The following PTPRN2 variants were observed in gnomAD, a reference collection of about 807,000 sequenced individuals.
The protein encoded by PTPRN2 is protein tyrosine phosphatase receptor type N2, also known as receptor-type tyrosine-protein phosphatase N2.
In PTPRN2, 74 loss-of-function variants were observed where a neutral mutation model predicts 118.8. The observed-to-expected ratio is 0.62, with a 90% CI of 0.52 to 0.76. PTPRN2 has a LOEUF of 0.76. PTPRN2 is among the 30% of genes least tolerant of loss of function. The pLI, the probability that PTPRN2 is intolerant of heterozygous loss-of-function variation, is 0.00. For missense variants in PTPRN2, 1,481 were observed against 1,394.4 expected, an observed-to-expected ratio of 1.06 and a Z score of -0.99; for synonymous variants, 641 against 608.0, an observed-to-expected ratio of 1.05 and a Z score of -0.80.
chr7:157,888,682 C>T (rs772936764), intron 12 of PTPRN2, among the ~76,000 whole-genome samples: 8 of 152,120 alleles, frequency 5.3e-5, no homozygotes, highest in South Asian at 2.1e-4. Flanking sequence ...AGAATCTTCA[C>T]GGATGTCTGA....
intron 3 of PTPRN2, among the ~76,000 whole-genome samples, chr7:158,304,598 C>T (rs1050519860): frequency 5.9e-5 from 9 of 152,238 alleles, no homozygotes; most frequent in African/African-American, 2.2e-4. Flanking sequence ...AAGATGTACA[C>T]AGGCTTGGTC....
chr7:158,387,893 G>C (rs186730651), intron 2 of PTPRN2, among the ~76,000 whole-genome samples: 1 of 152,122 alleles, frequency 6.6e-6, no homozygotes, highest in African/African-American at 2.4e-5. Flanking sequence ...TGTCAGACCC[G>C]CCAGGCCCCC....
rs1246761648 is a variant in PTPRN2 at position 157,622,741 on chromosome 7, G to C, written c.2197-1232C>G. Among the ~76,000 whole-genome samples, 1 of 152,216 alleles carries C rather than the reference G, an allele frequency of 6.6e-6. No homozygotes were observed. Among genetic ancestry groups the C allele is most frequent in the African/African-American group, 2.4e-5 (1 of 41,460 alleles). ...TGGTGAGGGACAATCGCCTGGCTCA[G>C]GGTGGGCACTCTAAGGCCGTCTGTT... is the stretch of plus-strand genomic sequence containing the variant. On this transcript the variant is annotated intron_variant, in intron 14 of 22. Transcript: ENST00000389418. This position sits in a 1 kb window ranked among gnomAD's most constrained non-coding sequence, Gnocchi z 5.3.
At chr7:158,229,936 G>A (rs1219109852) in intron 3 of PTPRN2, among the ~76,000 whole-genome samples, 7 of 151,076 alleles carry the variant, frequency 4.6e-5, no homozygotes. Context: ...ACTACTGTAA[G>A]GCATATAATA....
In PTPRN2 at chr7:158,509,293, G is replaced by A. The variant is rs963868740; in HGVS notation, c.113-19508C>T. The stretch of plus-strand genomic sequence containing the variant: ...TTGCCGGCCCGTCAGTCACAGCATC[G>A]GAAGAATGAATAGTGCTCCCTGATC... On this transcript the variant is annotated intron_variant, in intron 1 of 22. Coordinates refer to ENST00000389418, the MANE Select transcript of PTPRN2 (RefSeq NM_002847.5). This position sits in a 1 kb window ranked among gnomAD's most constrained non-coding sequence, Gnocchi z 4.4. Among the ~76,000 whole-genome samples, 32 of 152,134 alleles carry A rather than the reference G, an allele frequency of 2.1e-4. No individual in the cohort carries two copies. The highest frequency in any genetic ancestry group is 3.4e-4 in the African/African-American group (14 of 41,418).
At chr7:157,723,140 G>A (rs927407534) in intron 12 of PTPRN2, among the ~76,000 whole-genome samples, 1 of 152,230 alleles carries the variant, frequency 6.6e-6, no homozygotes, top group African/African-American at 2.4e-5. Context: ...AACTCACACA[G>A]TCAAGCTGAG....
rs112510479 is a variant in PTPRN2 at position 157,810,140 on chromosome 7, T to C, written c.1788+88533A>G. 3.1e-3 allele frequency among the ~76,000 whole-genome samples: 465 copies of C among 152,334 alleles called. 2 individuals carry two copies. The highest frequency in any genetic ancestry group is 0.011 in the African/African-American group (446 of 41,576). On this transcript the variant is annotated intron_variant, in intron 12 of 22. Transcript: ENST00000389418. ...AACACCCTGAGCTTCTGCGGAGCCA[T>C]GTGAGGGCCACGTGGAGAACACTGC... is the stretch of plus-strand genomic sequence containing the variant.
chr7:158,153,511 G>A (rs1013893058), intron 6 of PTPRN2, among the ~76,000 whole-genome samples: 10 of 152,246 alleles, frequency 6.6e-5, no homozygotes, highest in East Asian at 1.9e-4. Flanking sequence ...CAGCCCACCC[G>A]TCTGTCAGCT....
chr7:158,524,453 AGTCTGCCCTGGAGCG>A, intron 1 of PTPRN2, among the ~76,000 whole-genome samples: 2 of 45,938 alleles, frequency 4.4e-5, no homozygotes, highest in African/African-American at 8.6e-5. Flanking sequence ...CCTGGAGCGG[AGTCTGCCCTGGAGCG>A]GAGTCTGCCC....
At chr7:158,040,721 TTTC>T (rs1420985077) in intron 11 of PTPRN2, among the ~76,000 whole-genome samples, 1 of 132,186 alleles carries the variant, frequency 7.6e-6, no homozygotes, top group Non-Finnish European at 1.7e-5. Context: ...TTGATCTGCC[TTTC>T]TTTTTTTCTT....
chr7:158,024,207 C>T lies in PTPRN2; in HGVS notation c.1723+57091G>A, dbSNP rs376901307. On this transcript the variant is annotated intron_variant, in intron 11 of 22. Coordinates refer to ENST00000389418, the MANE Select transcript of PTPRN2 (RefSeq NM_002847.5). ...AGTGCATCCCAGCAAAGCTCTAGAGCGGTGAGGTTCCGAGTCCTCACTGCT... is the reference window on the plus strand; with the variant it reads ...AGTGCATCCCAGCAAAGCTCTAGAGTGGTGAGGTTCCGAGTCCTCACTGCT... Among the ~76,000 whole-genome samples the T allele has an allele frequency of 1.8e-4, 28 of 152,298 alleles. 1 individual carries two copies. The highest frequency in any genetic ancestry group is 1.2e-3 in the East Asian group (6 of 5,184).
At chr7:157,840,565 C>T (rs1432989250) in intron 12 of PTPRN2, among the ~76,000 whole-genome samples, 1 of 152,136 alleles carries the variant, frequency 6.6e-6, no homozygotes, top group South Asian at 2.1e-4. Context: ...GGGTACGGGA[C>T]GGGAGCTGCA....
At chr7:158,218,711 T>G (rs1828134096) in intron 3 of PTPRN2, among the ~76,000 whole-genome samples, 1 of 152,146 alleles carries the variant, frequency 6.6e-6, no homozygotes, top group Admixed American at 6.5e-5. Context: ...AATGACACAC[T>G]TTGGCTCAAA....
At chr7:158,213,325 T>C (rs1827743331) in intron 3 of PTPRN2, among the ~76,000 whole-genome samples, 1 of 152,036 alleles carries the variant, frequency 6.6e-6, no homozygotes, top group African/African-American at 2.4e-5. Flanking sequence ...AAATATAAGC[T>C]ATCTTCATGA....
At chr7:158,506,866 A>G (rs1007511399) in intron 1 of PTPRN2, among the ~76,000 whole-genome samples, 1 of 152,192 alleles carries the variant, frequency 6.6e-6, no homozygotes, top group Non-Finnish European at 1.5e-5. Flanking sequence ...TTGCAAGAGC[A>G]GGATGGCAGG....
At chr7:157,956,495 G>A (rs531290677) in intron 11 of PTPRN2, among the ~76,000 whole-genome samples, 4 of 152,332 alleles carry the variant, frequency 2.6e-5, no homozygotes, top group African/African-American at 4.8e-5. Flanking sequence ...GAATCTGTTC[G>A]ACTCAATGTG....
rs118122158 is a variant in PTPRN2 at position 157,897,037 on chromosome 7, C to T, written c.1788+1636G>A. Among the ~76,000 whole-genome samples the T allele has an allele frequency of 5.5e-4, 83 of 152,246 alleles. 2 individuals carry two copies. The East Asian group carries it at 8.5e-3, about 16-fold the overall frequency. Reference sequence around the variant, plus strand: ...CTTCTCACGGGGCCTAAATATTCCACAGTACAGCAGAGGGTCCCAGCCTCG... The same window carrying T: ...CTTCTCACGGGGCCTAAATATTCCATAGTACAGCAGAGGGTCCCAGCCTCG... On this transcript the variant is annotated intron_variant, in intron 12 of 22. Transcript: ENST00000389418.
At position 158,169,694 on chromosome 7, in the gene PTPRN2, AT is replaced by A. The variant is rs200399704; in HGVS notation, c.550-2404del. On this transcript the variant is annotated intron_variant, in intron 5 of 22. Coordinates refer to ENST00000389418, the MANE Select transcript of PTPRN2 (RefSeq NM_002847.5). ...AAGGAAATCGGACATTATCTCTAAGATTTTTTTTTTTCTTTTGAGACGGAGT... is the reference window on the plus strand; with the variant it reads ...AAGGAAATCGGACATTATCTCTAAGATTTTTTTTTTCTTTTGAGACGGAGT... 1.1e-3 allele frequency among the ~76,000 whole-genome samples: 162 copies of A among 146,016 alleles called. 1 individual carries two copies. In the East Asian group the frequency reaches 0.012, roughly 11 times the overall value.
Position 157,801,290 on chromosome 7 carries a change from G to C in PTPRN2, c.1788+97383C>G, listed in dbSNP as rs986287087. 4.6e-5 allele frequency among the ~76,000 whole-genome samples: 7 copies of C among 152,070 alleles called. No individual in the cohort carries two copies. The highest frequency in any genetic ancestry group is 7.4e-5 in the Non-Finnish European group (5 of 68,014). Reference sequence around the variant, plus strand: ...GCGCTGCCTTCGAGATCAGTCTCTCGACCCCTGTTAGGAGCAACGGCGGTG... The same window carrying C: ...GCGCTGCCTTCGAGATCAGTCTCTCCACCCCTGTTAGGAGCAACGGCGGTG... On this transcript the variant is annotated intron_variant, in intron 12 of 22. Coordinates refer to ENST00000389418, the MANE Select transcript of PTPRN2 (RefSeq NM_002847.5). This position sits in a 1 kb window ranked among gnomAD's most constrained non-coding sequence, Gnocchi z 4.2.
Sources: gnomAD v4.1 joint callset for allele counts (sites outside exome capture counted in the v4.1 genomes callset) on GRCh38, gnomAD v4.1.1 for gene constraint, Gnocchi (gnomAD v3.1) non-coding constraint, MANE v1.5 for transcripts, NCBI Gene and HGNC (gene_info 2026-07-23, HGNC 2026-07-21) for gene names.